The following PAK3 variants were observed in gnomAD, a reference collection of about 807,000 sequenced individuals.
PAK3 encodes p21 (RAC1) activated kinase 3.
A neutral mutation model predicts 41.0 loss-of-function variants in PAK3; 4 were observed. That is an observed-to-expected ratio of 0.10 (90% CI 0.05 to 0.22). The LOEUF is 0.22. PAK3 is among the 10% of genes least tolerant of loss of function. PAK3 has a pLI of 1.00. For synonymous variants in PAK3, 146 were observed against 139.6 expected, an observed-to-expected ratio of 1.05 and a Z score of -0.32; for missense variants, 205 against 409.9, an observed-to-expected ratio of 0.50 and a Z score of 4.32.
At chrX:110,973,434 C>T (rs754818678) in intron 1 of PAK3, among the ~76,000 whole-genome samples, 3 of 111,983 alleles carry the variant, frequency 2.7e-5, no homozygotes, top group Admixed American at 9.5e-5. Flanking sequence ...AAAAGAATTT[C>T]CAACCCAGAA....
intron 1 of PAK3, among the ~76,000 whole-genome samples, chrX:110,975,991 T>C (rs2091319979): frequency 8.9e-6 from 1 of 112,041 alleles, no homozygotes; most frequent in Admixed American, 9.4e-5. Context: ...ATGTTAGACC[T>C]AAAACCATGA....
At chrX:111,029,573 A>C (rs1435272178) in intron 1 of PAK3, among the ~76,000 whole-genome samples, 1 of 112,218 alleles carries the variant, frequency 8.9e-6, no homozygotes, top group African/African-American at 3.2e-5. Context: ...TACTTTTACT[A>C]TACCATACTG....
chrX:111,170,954 C>G (rs1340519200), intron 10 of PAK3, among the ~76,000 whole-genome samples: 1 of 110,931 alleles, frequency 9.0e-6, no homozygotes, highest in Non-Finnish European at 1.9e-5. Flanking sequence ...TGGGCAGGAG[C>G]TTTTAAGGAA....
chrX:111,141,005 G>A (rs1195413782), intron 5 of PAK3, among the ~76,000 whole-genome samples: 1 of 111,990 alleles, frequency 8.9e-6, no homozygotes, highest in African/African-American at 3.2e-5. Context: ...GACCGCCCTG[G>A]CAATTCTGAA....
At chrX:111,046,236 G>A (rs1298673014) in intron 1 of PAK3, among the ~76,000 whole-genome samples, 3 of 111,623 alleles carry the variant, frequency 2.7e-5, no homozygotes, top group Non-Finnish European at 5.6e-5. Flanking sequence ...GGGTAGAAAA[G>A]GCTCAACCCT....
intron 16 of PAK3, among the ~76,000 whole-genome samples, chrX:111,197,024 C>T (rs2094623512): frequency 9.2e-6 from 1 of 108,964 alleles, no homozygotes; most frequent in African/African-American, 3.3e-5. Context: ...ATTTCATCTC[C>T]CAGGTAATGA....
intron 10 of PAK3, among the ~76,000 whole-genome samples, chrX:111,164,766 C>T (rs924779732): frequency 2.7e-5 from 3 of 112,021 alleles, no homozygotes; most frequent in African/African-American, 9.7e-5. Context: ...CCTTGGAGGA[C>T]ACAATAGAAT....
chrX:111,076,803 G>C (rs2092789646), intron 1 of PAK3, among the ~76,000 whole-genome samples: 1 of 111,723 alleles, frequency 9.0e-6, no homozygotes, highest in Admixed American at 9.5e-5. Flanking sequence ...GCTCAACCTA[G>C]TACTGGAATT....
chrX:110,966,344 A>T (rs1462008320), intron 1 of PAK3, among the ~76,000 whole-genome samples: 1 of 110,025 alleles, frequency 9.1e-6, no homozygotes, highest in Admixed American at 9.7e-5. Context: ...TCTTAATTCT[A>T]CCGCCTCTAC....
intron 1 of PAK3, among the ~76,000 whole-genome samples, chrX:110,985,042 C>A (rs902742529): frequency 9.0e-6 from 1 of 111,389 alleles, no homozygotes; most frequent in Non-Finnish European, 1.9e-5. Context: ...GGTGAGAGGA[C>A]TGCTTGAGCC....
chrX:110,956,217 G>A (rs1314652503), intron 1 of PAK3, among the ~76,000 whole-genome samples: 1 of 112,011 alleles, frequency 8.9e-6, no homozygotes, highest in Non-Finnish European at 1.9e-5. Flanking sequence ...CTAAACCTCT[G>A]TTTCTTCACT....
intron 8 of PAK3, among the ~76,000 whole-genome samples, chrX:111,160,570 C>T (rs1165624270): frequency 9.2e-6 from 1 of 108,934 alleles, no homozygotes; most frequent in African/African-American, 3.4e-5. Context: ...CACCCATTAA[C>T]TCATCATTTA....
chrX:111,015,683 G>A (rs1406724534), intron 1 of PAK3, among the ~76,000 whole-genome samples: 2 of 111,568 alleles, frequency 1.8e-5, no homozygotes, highest in Admixed American at 1.9e-4. Context: ...GTTATGATGT[G>A]TATTTCCCTA....
intron 1 of PAK3, among the ~76,000 whole-genome samples, chrX:110,994,638 G>A (rs888942409): frequency 2.8e-4 from 31 of 111,598 alleles, no homozygotes; most frequent in South Asian, 2.7e-3. Flanking sequence ...CCTTTCACAC[G>A]TGTACCTCCC....
chrX:111,049,000 A>ACTGCATGT (rs1290041764), intron 1 of PAK3, among the ~76,000 whole-genome samples: 3 of 111,758 alleles, frequency 2.7e-5, no homozygotes, highest in Non-Finnish European at 5.6e-5. Flanking sequence ...GGATTTGGCC[A>ACTGCATGT]CTGCATGTCT....
rs746952676 is a variant in PAK3, at chrX:111,018,971, GCA to G, written c.-28+74346_-28+74347del. On this transcript the variant is annotated intron_variant, in intron 1 of 14. Transcript: ENST00000425146. ...ACCTTTTTGTACCCTTTTGACAAGG[GCA>G]CAAAGTCCATTCAATAGGGAAAGAG... 4.5e-5 allele frequency among the ~76,000 whole-genome samples: 5 copies of G among 111,282 alleles called. No homozygotes were observed. In the South Asian group the frequency reaches 1.9e-3, roughly 43 times the overall value.
chrX:111,124,198 G>T (rs1410687305), intron 5 of PAK3, among the ~76,000 whole-genome samples: 1 of 112,122 alleles, frequency 8.9e-6, no homozygotes, highest in Non-Finnish European at 1.9e-5. Flanking sequence ...GGCCAGTACT[G>T]CCACTTGTAC....
At chrX:111,125,702 T>TTA (rs1286600456) in intron 5 of PAK3, among the ~76,000 whole-genome samples, 1 of 111,672 alleles carries the variant, frequency 9.0e-6, no homozygotes, top group African/African-American at 3.3e-5. Flanking sequence ...CATGTGCCAT[T>TTA]TAATACTGTT....
At chrX:111,013,534 G>T (rs1256903529) in intron 1 of PAK3, among the ~76,000 whole-genome samples, 1 of 111,249 alleles carries the variant, frequency 9.0e-6, no homozygotes, top group Non-Finnish European at 1.9e-5. Flanking sequence ...TAATGCACTA[G>T]GTGCTCTAGA....
Sources: allele counts gnomAD v4.1 joint callset (sites outside exome capture counted in the v4.1 genomes callset), GRCh38; gene constraint gnomAD v4.1.1; transcripts MANE v1.5; gene names NCBI Gene and HGNC (gene_info 2026-07-23, HGNC 2026-07-21).